Variants in CAPN3 observed in about 807,000 individuals in gnomAD.
CAPN3 encodes calpain 3, also known as calpain-3.
Under a neutral mutation model 114.0 loss-of-function variants are expected in CAPN3, and 88 were observed. That is an observed-to-expected ratio of 0.77 (90% CI 0.65 to 0.92). The LOEUF is 0.92. CAPN3 is among the 40% of genes least tolerant of loss of function. The pLI is 0.00. For synonymous variants in CAPN3, 386 were observed against 382.9 expected (o/e 1.01, Z -0.09); for missense variants, 1,028 against 1,069.0 (o/e 0.96, Z 0.53).
At chr15:42,409,878 G>A in intron 18 of CAPN3, 34 bp downstream of exon 18, 3 of 551,000 alleles carry the variant, frequency 5.4e-6, no homozygotes, top group Non-Finnish European at 7.2e-6. Context: ...GGTGGGGTGG[G>A]TGGGGAGTCC....
chr15:42,389,071 G>C lies in CAPN3; in HGVS notation c.776G>C (p.Gly259Ala). ...YKIMKKAIER[G>A]SLMGCSIDDG... Reference sequence around the variant, plus strand: ...ATCATGAAGAAAGCCATCGAGAGAGGCTCCCTCATGGGCTGCTCCATTGAT... The same window carrying C: ...ATCATGAAGAAAGCCATCGAGAGAGCCTCCCTCATGGGCTGCTCCATTGAT... Residue 259 changes from glycine (G) to alanine (A), a missense_variant, in exon 5 of 24, where the codon GGC (glycine) becomes GCC (alanine). Gly to Ala is a moderately conservative substitution (Grantham distance 60). Coordinates refer to ENST00000397163, the MANE Select transcript of CAPN3 (RefSeq NM_000070.3). 6.2e-7 allele frequency: 1 copy of C among 1,614,100 alleles called. No homozygotes were observed. Among genetic ancestry groups the C allele is most frequent in the South Asian group, 1.1e-5 (1 of 91,058 alleles).
chr15:42,403,688 C>T, intron 13 of CAPN3, 53 bp from the exon 14 acceptor site: 1 of 1,550,656 alleles, frequency 6.4e-7, no homozygotes, highest in African/African-American at 1.4e-5. Context: ...GTCCACGGGC[C>T]TCCTGCTTGC....
At chr15:42,393,849 T>G (rs934597512) in intron 7 of CAPN3, among the ~76,000 whole-genome samples, 4 of 152,012 alleles carry the variant, frequency 2.6e-5, no homozygotes, top group Non-Finnish European at 5.9e-5. Context: ...CACCTCGGCC[T>G]CTCAAAGTGC....
chr15:42,385,631 C>T (rs1317949708), intron 2 of CAPN3: 2 of 514,604 alleles, frequency 3.9e-6, no homozygotes, highest in African/African-American at 1.9e-5. Context: ...AATAAGAAAA[C>T]GTCCCGAGCT....
At chr15:42,384,583 A>G (rs997474922) in intron 2 of CAPN3, 31 bp downstream of exon 2, 2 of 1,479,918 alleles carry the variant, frequency 1.4e-6, no homozygotes, top group African/African-American at 1.4e-5. Context: ...AGATCCTGCC[A>G]GATGATCAAG....
Position 42,411,977 on chromosome 15 carries a change from G to GAGGT in CAPN3, c.*208_*211dup. On this transcript the variant is annotated 3_prime_UTR_variant, in exon 24 of 24. Coordinates refer to ENST00000397163, the MANE Select transcript of CAPN3 (RefSeq NM_000070.3). ...TAGCCTGACCCTTTAGTAAAGCAATGAGGTAGGAAGAACAAACCCTTGTCC... is the reference window on the plus strand; with the variant it reads ...TAGCCTGACCCTTTAGTAAAGCAATGAGGTAGGTAGGAAGAACAAACCCTTGTCC... 1 of 1,510,544 alleles carries GAGGT rather than the reference G, an allele frequency of 6.6e-7. No homozygotes were observed. The highest frequency in any genetic ancestry group is 2.5e-5 in the East Asian group (1 of 40,660). The allele number at this position is 1,510,544 out of a possible 1,614,324, so 93.6% of individuals were successfully genotyped here. A position where few individuals can be genotyped will look rare whatever the true frequency, so the allele number is the denominator to read the frequency against.
At chr15:42,411,156 G>T (rs1488696485) in intron 22 of CAPN3, 131 bp from the exon 23 acceptor site, 1 of 1,010,484 alleles carries the variant, frequency 9.9e-7, no homozygotes, top group Non-Finnish European at 1.6e-6. Flanking sequence ...AGGGTTACTG[G>T]TGATTCTCTG....
chr15:42,393,050 G>A (rs1382373092), intron 7 of CAPN3, among the ~76,000 whole-genome samples: 1 of 152,164 alleles, frequency 6.6e-6, no homozygotes, highest in East Asian at 1.9e-4. Flanking sequence ...GTTCTCTCGT[G>A]TTCAGATAGC....
chr15:42,401,474 C>A (rs2053860412), intron 10 of CAPN3, among the ~76,000 whole-genome samples, 167 bp from the exon 11 acceptor site: 3 of 18,750 alleles, frequency 1.6e-4, no homozygotes, highest in African/African-American at 3.8e-4. Context: ...AAAGGTAGCG[C>A]CCCCCCCCCC....
intron 1 of CAPN3, among the ~76,000 whole-genome samples, chr15:42,369,508 GAAAAA>G (rs1238879865): frequency 6.8e-6 from 1 of 147,244 alleles, no homozygotes; most frequent in Non-Finnish European, 1.5e-5. Flanking sequence ...TCAAAAAGAA[GAAAAA>G]AAAAAGAATG....
Position 42,411,694 on chromosome 15 carries a change from G to A in CAPN3, c.2440-53G>A, listed in dbSNP as rs867993908. The A allele has an allele frequency of 5.1e-4, 399 of 776,542 alleles. 27 individuals carry two copies. The highest frequency in any genetic ancestry group is 5.0e-3 in the African/African-American group (246 of 48,954). The allele number at this position is 776,542 out of a possible 1,614,324, so 48.1% of individuals were successfully genotyped here. ...CCCCGTAAGATTCCTAGGGCGGGGG[G>A]GGGGGGGGTCACTCTTTTCTGATCT... On this transcript the variant is annotated intron_variant, in intron 23 of 23. Coordinates refer to ENST00000397163, the MANE Select transcript of CAPN3 (RefSeq NM_000070.3).
chr15:42,361,858 C>T (rs1176222759), intron 1 of CAPN3, among the ~76,000 whole-genome samples: 2 of 152,228 alleles, frequency 1.3e-5, no homozygotes, highest in South Asian at 2.1e-4. Flanking sequence ...GGCCTTTGCT[C>T]ATGCTGTCTG....
chr15:42,410,824 T>C lies in CAPN3; in HGVS notation c.2264-60T>C, dbSNP rs1265274760. On this transcript the variant is annotated intron_variant, in intron 21 of 23. Transcript: ENST00000397163. ...CAGAGTGGCCGAGAGGCAGGGAAAA[T>C]AGAAGGCAGGCCCAAGGCCTCCAGC... The C allele has an allele frequency of 3.3e-5, 49 of 1,466,502 alleles. No individual in the cohort carries two copies. The South Asian group carries it at 4.8e-4, about 14-fold the overall frequency. The allele number at this position is 1,466,502 out of a possible 1,614,324, so 90.8% of individuals were successfully genotyped here.
chr15:42,397,984 G>T (rs1472665405), intron 9 of CAPN3, among the ~76,000 whole-genome samples: 4 of 152,044 alleles, frequency 2.6e-5, no homozygotes, highest in Admixed American at 2.6e-4. Flanking sequence ...TTGTACCACT[G>T]CAGTCCATCC....
At position 42,359,548 on chromosome 15, in the gene CAPN3, C is replaced by T. The variant is rs553879484; in HGVS notation, c.-258C>T. The T allele has an allele frequency of 3.7e-6, 5 of 1,351,092 alleles. No individual in the cohort carries two copies. The highest frequency in any genetic ancestry group is 2.9e-5 in the African/African-American group (2 of 68,188). 83.7% of individuals were successfully genotyped at this position (1,351,092 alleles called of 1,614,324 possible). A position where few individuals can be genotyped will look rare whatever the true frequency, so the allele number is the denominator to read the frequency against. On this transcript the variant is annotated 5_prime_UTR_variant, in exon 1 of 24. Coordinates refer to ENST00000397163, the MANE Select transcript of CAPN3 (RefSeq NM_000070.3). ...GCATGCATGCTGCTGGTAGGAGACCCCCAAGTCAACATTGCTTCAGAAATC... is the reference window on the plus strand; with the variant it reads ...GCATGCATGCTGCTGGTAGGAGACCTCCAAGTCAACATTGCTTCAGAAATC...
At chr15:42,407,788 T>C (rs1188122253) in intron 15 of CAPN3, among the ~76,000 whole-genome samples, 3 of 152,170 alleles carry the variant, frequency 2.0e-5, no homozygotes, top group Admixed American at 2.0e-4. Context: ...GCCATGGTGA[T>C]GTGGGGTGCT....
intron 9 of CAPN3, among the ~76,000 whole-genome samples, chr15:42,398,693 ATG>A (rs143819606): frequency 0.19 from 27,311 of 142,700 alleles, 3,035 homozygotes; most frequent in African/African-American, 0.31. Context: ...CTGTATATAT[ATG>A]TGTGTGTGTA....
intron 2 of CAPN3, 68 bp from the exon 3 acceptor site, chr15:42,386,099 G>A: frequency 9.1e-7 from 1 of 1,101,480 alleles, no homozygotes; most frequent in Non-Finnish European, 1.4e-6. Flanking sequence ...TGGCTGGCTG[G>A]GATTGGGGCT....
intron 1 of CAPN3, among the ~76,000 whole-genome samples, chr15:42,380,835 C>A (rs1008400555): frequency 6.8e-6 from 1 of 147,186 alleles, no homozygotes; most frequent in African/African-American, 2.5e-5. Flanking sequence ...AAGCAGTCTG[C>A]CCACCTTGGC....
Sources: allele counts gnomAD v4.1 joint callset (sites outside exome capture counted in the v4.1 genomes callset), GRCh38; gene constraint gnomAD v4.1.1; transcripts MANE v1.5; gene names NCBI Gene and HGNC (gene_info 2026-07-23, HGNC 2026-07-21).